CSNK1A1: variants seen among roughly 807,000 people sequenced by gnomAD.
CSNK1A1 encodes the protein casein kinase 1 alpha 1.
A neutral mutation model predicts 46.1 loss-of-function variants in CSNK1A1; 7 were observed. The observed-to-expected ratio is 0.15, with a 90% confidence interval of 0.09 to 0.29. The LOEUF is 0.29. Among genes scored for constraint, CSNK1A1 ranks in the 10% least tolerant of loss-of-function variants. CSNK1A1 has a pLI of 1.00. For missense variants in CSNK1A1, 96 were observed against 417.1 expected, an observed-to-expected ratio of 0.23 and a Z score of 6.71; for synonymous variants, 137 against 141.5, an observed-to-expected ratio of 0.97 and a Z score of 0.23.
At position 149,550,030 on chromosome 5, in the gene CSNK1A1, T is replaced by C; in HGVS notation, c.230+45A>G. ...TACCTGCCTCTACCCACTTCCCCAT[T>C]CCGTGCTTCCCTCAGCGGATCGCCT... On this transcript the variant is annotated intron_variant, in intron 2 of 9. Coordinates refer to ENST00000377843, the MANE Select transcript of CSNK1A1 (RefSeq NM_001892.6). This position sits in a 1 kb window ranked among gnomAD's most constrained non-coding sequence, Gnocchi z 4.3. 1 of 1,590,972 alleles carries C rather than the reference T, an allele frequency of 6.3e-7. No individual in the cohort carries two copies. Among genetic ancestry groups the C allele is most frequent in the Non-Finnish European group, 8.6e-7 (1 of 1,165,902 alleles).
chr5:149,519,939 A>C (rs565892803), intron 4 of CSNK1A1, among the ~76,000 whole-genome samples: 3 of 152,344 alleles, frequency 2.0e-5, no homozygotes, highest in African/African-American at 7.2e-5. Flanking sequence ...ATCTGGTTTT[A>C]AGCATTCAGG....
At chr5:149,530,627 G>GT (rs1238557287) in intron 2 of CSNK1A1, among the ~76,000 whole-genome samples, 4 of 152,064 alleles carry the variant, frequency 2.6e-5, no homozygotes, top group Non-Finnish European at 5.9e-5. Context: ...TTGCTGAACC[G>GT]TAAGAACTAA....
At chr5:149,505,629 TAA>T in intron 8 of CSNK1A1, 34 bp from the exon 9 acceptor site, 1 of 1,577,366 alleles carries the variant, frequency 6.3e-7, no homozygotes, top group South Asian at 1.1e-5. Context: ...GTTAATCCTT[TAA>T]TAACAGAGTC....
chr5:149,505,287 A>C (rs1292970332), intron 9 of CSNK1A1, 160 bp downstream of exon 9: 29 of 1,414,144 alleles, frequency 2.1e-5, no homozygotes, highest in Non-Finnish European at 2.7e-5. Context: ...GTTTAAAGTT[A>C]GTAGTCAAAT....
chr5:149,501,324 T>G, intron 9 of CSNK1A1: 1 of 985,396 alleles, frequency 1.0e-6, no homozygotes, highest in Non-Finnish European at 1.2e-6. Context: ...CCCTGGTACT[T>G]CTTAGAATTG....
intron 2 of CSNK1A1, among the ~76,000 whole-genome samples, chr5:149,539,054 A>C (rs1037478382): frequency 1.3e-5 from 2 of 152,218 alleles, no homozygotes; most frequent in African/African-American, 4.8e-5. Context: ...TCCTTCAAGG[A>C]GTTTCTAGAA....
chr5:149,501,393 T>C (rs754956098), intron 9 of CSNK1A1: 125 of 985,340 alleles, frequency 1.3e-4, no homozygotes, highest in Admixed American at 6.1e-5. Flanking sequence ...TCCCCTGTGA[T>C]GTGGGTGTGC....
At chr5:149,515,532 TCTC>T (rs1342679294) in intron 4 of CSNK1A1, among the ~76,000 whole-genome samples, 1 of 152,166 alleles carries the variant, frequency 6.6e-6, no homozygotes, top group African/African-American at 2.4e-5. Context: ...TTTGAAATGT[TCTC>T]CTCTTATAAA....
chr5:149,548,804 G>C (rs1388351697), intron 2 of CSNK1A1, among the ~76,000 whole-genome samples: 1 of 152,210 alleles, frequency 6.6e-6, no homozygotes, highest in Non-Finnish European at 1.5e-5. Flanking sequence ...AGCCAAGATC[G>C]TGCCATTCAT....
intron 4 of CSNK1A1, among the ~76,000 whole-genome samples, chr5:149,514,535 G>C (rs10063910): frequency 2.6e-4 from 39 of 152,108 alleles, no homozygotes; most frequent in African/African-American, 7.5e-4. Context: ...TTGTTCTCTA[G>C]TTACTCCTAA....
At chr5:149,499,173 C>T in intron 9 of CSNK1A1, 1 of 985,228 alleles carries the variant, frequency 1.0e-6, no homozygotes. Flanking sequence ...TTCTTTTCCC[C>T]AATACGCATT....
chr5:149,530,975 A>AAAAAAAAAAAAAG (rs1761876933), intron 2 of CSNK1A1, among the ~76,000 whole-genome samples: 1 of 150,784 alleles, frequency 6.6e-6, no homozygotes, highest in African/African-American at 2.4e-5. Flanking sequence ...CAAAAAAAAA[A>AAAAAAAAAAAAAG]AAAGAACACA....
At chr5:149,500,220 C>T (rs1253239367) in intron 9 of CSNK1A1, among the ~76,000 whole-genome samples, 1 of 150,776 alleles carries the variant, frequency 6.6e-6, no homozygotes, top group African/African-American at 2.4e-5. Context: ...TCACTGCAAG[C>T]TCCGCCTCCT....
chr5:149,498,478 T>TCA (rs1439881792), intron 9 of CSNK1A1: 11 of 985,206 alleles, frequency 1.1e-5, no homozygotes, highest in African/African-American at 1.7e-5. Flanking sequence ...TGACCAAATT[T>TCA]CAATTTTAAA....
chr5:149,510,004 A>T, intron 6 of CSNK1A1, 51 bp from the exon 7 acceptor site: 1 of 1,292,730 alleles, frequency 7.7e-7, no homozygotes, highest in Non-Finnish European at 1.1e-6. Context: ...ACTGAGAAGA[A>T]CCATGGTAGT....
chr5:149,542,244 G>A (rs1358770177), intron 2 of CSNK1A1, among the ~76,000 whole-genome samples: 14 of 151,946 alleles, frequency 9.2e-5, no homozygotes, highest in Admixed American at 9.2e-4. Context: ...AATGCCTGAC[G>A]ATCTGTTACT....
At chr5:149,522,078 T>C (rs978243887) in intron 3 of CSNK1A1, among the ~76,000 whole-genome samples, 1 of 152,208 alleles carries the variant, frequency 6.6e-6, no homozygotes, top group Non-Finnish European at 1.5e-5. Context: ...TGACTGCTTA[T>C]GGCATTTCTT....
At chr5:149,539,118 C>G (rs896773001) in intron 2 of CSNK1A1, among the ~76,000 whole-genome samples, 2 of 152,048 alleles carry the variant, frequency 1.3e-5, no homozygotes, top group Non-Finnish European at 2.9e-5. Context: ...TGGTTTCATA[C>G]ATCGATTTTA....
chr5:149,521,270 CTTTTTTT>C (rs909460651), intron 3 of CSNK1A1, among the ~76,000 whole-genome samples: 2 of 123,948 alleles, frequency 1.6e-5, no homozygotes, highest in Non-Finnish European at 3.5e-5. Flanking sequence ...ATTTACTCTT[CTTTTTTT>C]TTTTTTTTTT....
Sources: gnomAD v4.1 joint callset for allele counts (sites outside exome capture counted in the v4.1 genomes callset) on GRCh38, gnomAD v4.1.1 for gene constraint, Gnocchi (gnomAD v3.1) non-coding constraint, MANE v1.5 for transcripts, NCBI Gene and HGNC (gene_info 2026-07-23, HGNC 2026-07-21) for gene names.